CSMD1: variants seen among roughly 807,000 people sequenced by gnomAD.
The protein encoded by CSMD1 is CUB and Sushi multiple domains 1.
CSMD1 carries 213 observed loss-of-function variants against 417.5 expected under a neutral mutation model. The observed-to-expected ratio is 0.51, with a 90% confidence interval of 0.46 to 0.57. The LOEUF is 0.57. Ranked by LOEUF, CSMD1 falls within the 20% of genes least tolerant of loss-of-function variation. The probability of loss-of-function intolerance (pLI) is 0.00; values close to 1 mark genes in which losing one functional copy is unlikely to be tolerated. For missense variants in CSMD1, 6,923 were observed against 4,529.7 expected, an observed-to-expected ratio of 1.53 and a Z score of -15.17; for synonymous variants, 2,862 against 1,736.8, an observed-to-expected ratio of 1.65 and a Z score of -16.11.
chr8:3,684,383 G>T (rs1234562104), intron 7 of CSMD1, among the ~76,000 whole-genome samples: 2 of 146,554 alleles, frequency 1.4e-5, no homozygotes, highest in Non-Finnish European at 3.0e-5. Flanking sequence ...TATATAAAAT[G>T]TATAACATAT....
At chr8:3,425,038 C>T (rs1286174593) in intron 12 of CSMD1, among the ~76,000 whole-genome samples, 1 of 152,088 alleles carries the variant, frequency 6.6e-6, no homozygotes, top group Non-Finnish European at 1.5e-5. Flanking sequence ...AGGGGTCTCA[C>T]TATGTTGACC....
chr8:4,510,358 A>AT (rs934660665), intron 2 of CSMD1, among the ~76,000 whole-genome samples: 5 of 126,206 alleles, frequency 4.0e-5, no homozygotes, highest in Admixed American at 9.1e-5. Context: ...GTATTCTTAT[A>AT]TTTTTTGTAG....
intron 1 of CSMD1, among the ~76,000 whole-genome samples, chr8:4,740,830 G>C (rs868120054): frequency 6.6e-6 from 1 of 152,166 alleles, no homozygotes; most frequent in Admixed American, 6.5e-5. Flanking sequence ...GTTTCAGGAT[G>C]AATCTTAAAG....
intron 3 of CSMD1, among the ~76,000 whole-genome samples, chr8:4,408,315 G>C (rs1322596316): frequency 6.6e-6 from 1 of 152,136 alleles, no homozygotes; most frequent in African/African-American, 2.4e-5. Flanking sequence ...ACGTCTTCAA[G>C]TAAGCTACTT....
At chr8:3,436,306 G>A (rs6984069) in intron 12 of CSMD1, among the ~76,000 whole-genome samples, 1 of 151,944 alleles carries the variant, frequency 6.6e-6, no homozygotes, top group African/African-American at 2.4e-5. Flanking sequence ...GGTACAAAAA[G>A]GTGAGAAAGT....
chr8:4,363,490 G>A (rs746582858), intron 3 of CSMD1, among the ~76,000 whole-genome samples: 16 of 152,038 alleles, frequency 1.1e-4, no homozygotes, highest in Non-Finnish European at 1.8e-4. Flanking sequence ...TCTGGAGGAG[G>A]AAAAGCATAC....
intron 6 of CSMD1, among the ~76,000 whole-genome samples, chr8:3,735,665 G>C (rs1796491254): frequency 5.3e-5 from 8 of 152,156 alleles, no homozygotes; most frequent in Admixed American, 3.9e-4. Context: ...GCTGAGAAAT[G>C]GGCTGCCCTC....
rs1369780772 is a variant in CSMD1 at position 3,125,750 on chromosome 8, G to T, written c.6242-7163C>A. 3.3e-5 allele frequency among the ~76,000 whole-genome samples: 5 copies of T among 152,310 alleles called. No individual in the cohort carries two copies. In the East Asian group the frequency reaches 9.7e-4, roughly 29 times the overall value. On this transcript the variant is annotated intron_variant, in intron 41 of 69. Coordinates refer to ENST00000635120, the MANE Select transcript of CSMD1 (RefSeq NM_033225.6). ...CCAGCACTTTGGGAGGCCGAGGTGG[G>T]CAGATTACCTGAGATCAGGAGTTTG...
intron 5 of CSMD1, among the ~76,000 whole-genome samples, chr8:3,850,951 G>A (rs1048073052): frequency 6.6e-6 from 1 of 152,088 alleles, no homozygotes; most frequent in African/African-American, 2.4e-5. Context: ...CTTTTAACTT[G>A]TTGTTATATA....
At chr8:3,045,752 C>T (rs995430874) in intron 50 of CSMD1, among the ~76,000 whole-genome samples, 3 of 152,154 alleles carry the variant, frequency 2.0e-5, no homozygotes, top group African/African-American at 2.4e-5. Flanking sequence ...TTCTCTTCTC[C>T]GATTTTCTGG....
intron 2 of CSMD1, among the ~76,000 whole-genome samples, chr8:4,588,094 G>A (rs1265187481): frequency 6.6e-6 from 1 of 152,138 alleles, no homozygotes; most frequent in Non-Finnish European, 1.5e-5. Context: ...ATTCTAAAAT[G>A]CCTCTGGCTT....
intron 30 of CSMD1, among the ~76,000 whole-genome samples, chr8:3,212,446 T>C (rs1312052841): frequency 6.6e-6 from 1 of 152,144 alleles, no homozygotes; most frequent in Non-Finnish European, 1.5e-5. Context: ...CCTACCAGGC[T>C]CCAGCGATCC....
chr8:3,521,583 C>A (rs548545238), intron 10 of CSMD1, among the ~76,000 whole-genome samples: 21 of 152,272 alleles, frequency 1.4e-4, no homozygotes, highest in African/African-American at 4.8e-4. Flanking sequence ...TACTGACCAT[C>A]ATTGCTCCTT....
rs766876061 is a variant in CSMD1 at position 3,399,383 on chromosome 8, T to C, written c.2405+8A>G. ...TTGGGTCCAAATGAAGACTAATTTTTTTCTTACCTGTCAAAAGTTATTTTG... is the reference window on the plus strand; with the variant it reads ...TTGGGTCCAAATGAAGACTAATTTTCTTCTTACCTGTCAAAAGTTATTTTG... On this transcript the variant is annotated splice_region_variant and intron_variant, in intron 16 of 69. Transcript: ENST00000635120. 2 of 1,594,066 alleles carry C rather than the reference T, an allele frequency of 1.3e-6. No homozygotes were observed. The highest frequency in any genetic ancestry group is 1.3e-5 in the African/African-American group (1 of 74,278).
intron 2 of CSMD1, among the ~76,000 whole-genome samples, chr8:4,581,428 G>C (rs1309632910): frequency 2.0e-5 from 3 of 151,986 alleles, no homozygotes; most frequent in South Asian, 2.1e-4. Flanking sequence ...TTTTGAGCTT[G>C]GCAGATCTAG....
intron 61 of CSMD1, among the ~76,000 whole-genome samples, chr8:2,962,152 C>G (rs1189597933): frequency 6.6e-6 from 1 of 152,150 alleles, no homozygotes; most frequent in Admixed American, 6.6e-5. Flanking sequence ...AGAGAATGTT[C>G]CTACCTGCAC....
intron 25 of CSMD1, among the ~76,000 whole-genome samples, chr8:3,305,700 G>C (rs923193467): frequency 1.3e-5 from 2 of 152,036 alleles, no homozygotes; most frequent in East Asian, 3.9e-4. Context: ...TCTTTTTCTT[G>C]AGACACAGTC....
chr8:4,369,199 T>C (rs545215041), intron 3 of CSMD1, among the ~76,000 whole-genome samples: 10 of 152,340 alleles, frequency 6.6e-5, no homozygotes, highest in South Asian at 2.1e-4. Context: ...TTAATTTCAT[T>C]CTTTACCTAA....
rs186476009 is a variant in CSMD1 at position 2,985,017 on chromosome 8, G to A, written c.8378-6217C>T. 2.0e-5 allele frequency among the ~76,000 whole-genome samples: 3 copies of A among 152,248 alleles called. No homozygotes were observed. The East Asian group carries it at 5.8e-4, about 29-fold the overall frequency. ...TAACAGTTAACTCTGAACAGATACTGGAACAAATCAGACCTGAGCTTAAAA... is the reference window on the plus strand; with the variant it reads ...TAACAGTTAACTCTGAACAGATACTAGAACAAATCAGACCTGAGCTTAAAA... On this transcript the variant is annotated intron_variant, in intron 54 of 69. Coordinates refer to ENST00000635120, the MANE Select transcript of CSMD1 (RefSeq NM_033225.6).
Sources: gnomAD v4.1 joint callset for allele counts (sites outside exome capture counted in the v4.1 genomes callset) on GRCh38, gnomAD v4.1.1 for gene constraint, MANE v1.5 for transcripts, NCBI Gene and HGNC (gene_info 2026-07-23, HGNC 2026-07-21) for gene names.